Variants in MGAT4C observed in about 807,000 individuals in gnomAD.
MGAT4C encodes alpha-1,3-mannosyl-glycoprotein 4-beta-N-acetylglucosaminyltransferase C.
In MGAT4C, 19 loss-of-function variants were observed where a neutral mutation model predicts 40.1. That is an observed-to-expected ratio of 0.47 (90% CI 0.33 to 0.70). MGAT4C has a LOEUF of 0.70. Among genes scored for constraint, MGAT4C ranks in the 30% least tolerant of loss-of-function variants. The pLI is 0.02. For missense variants in MGAT4C, 491 were observed against 563.2 expected (o/e 0.87, Z 1.30); for synonymous variants, 181 against 187.1 (o/e 0.97, Z 0.27).
At chr12:86,129,544 C>CTT (rs751908017) in intron 1 of MGAT4C, among the ~76,000 whole-genome samples, 932 of 15,070 alleles carry the variant, frequency 0.062, 366 homozygotes, top group Non-Finnish European at 0.075. Flanking sequence ...CTTACACAAT[C>CTT]TTTTTTTTTT....
At chr12:86,277,778 T>C (rs748550678) in intron 4 of MGAT4C, among the ~76,000 whole-genome samples, 4 of 152,162 alleles carry the variant, frequency 2.6e-5, no homozygotes, top group Admixed American at 1.3e-4. Flanking sequence ...GTTAGGACCA[T>C]GCTGTTTTGG....
At chr12:86,380,127 G>T (rs1410245422) in intron 3 of MGAT4C, among the ~76,000 whole-genome samples, 3 of 151,972 alleles carry the variant, frequency 2.0e-5, no homozygotes, top group Non-Finnish European at 2.9e-5. Flanking sequence ...TGACTAATGT[G>T]CTGTAACACT....
chr12:86,770,560 A>T (rs1477092444), intron 1 of MGAT4C, among the ~76,000 whole-genome samples: 4 of 152,076 alleles, frequency 2.6e-5, no homozygotes. Context: ...AAGGAAGTTA[A>T]AAGACAATTT....
intron 2 of MGAT4C, among the ~76,000 whole-genome samples, chr12:86,035,106 G>T (rs150065734): frequency 6.7e-6 from 1 of 150,030 alleles, no homozygotes; most frequent in African/African-American, 2.4e-5. Flanking sequence ...TAATGGGATT[G>T]CTGGGTCATA....
chr12:86,611,844 C>T (rs1439315403), intron 2 of MGAT4C, among the ~76,000 whole-genome samples: 2 of 152,066 alleles, frequency 1.3e-5, no homozygotes, highest in African/African-American at 4.8e-5. Flanking sequence ...TGTTAGCAAC[C>T]ATGTTAACTG....
At chr12:86,610,972 A>G (rs1962235320) in intron 2 of MGAT4C, among the ~76,000 whole-genome samples, 1 of 151,976 alleles carries the variant, frequency 6.6e-6, no homozygotes, top group Non-Finnish European at 1.5e-5. Flanking sequence ...GAGGAATTAC[A>G]TGTGGGTCAG....
intron 2 of MGAT4C, among the ~76,000 whole-genome samples, chr12:86,501,250 TAAC>T (rs1344850799): frequency 1.3e-5 from 2 of 152,130 alleles, no homozygotes; most frequent in African/African-American, 2.4e-5. Context: ...TTCTAGAAGA[TAAC>T]AAAGGAAATT....
intron 1 of MGAT4C, among the ~76,000 whole-genome samples, chr12:86,744,210 A>T (rs968980252): frequency 6.6e-6 from 1 of 151,522 alleles, no homozygotes; most frequent in African/African-American, 2.4e-5. Flanking sequence ...AGTTAGGGAG[A>T]CAACCACGGA....
intron 1 of MGAT4C, among the ~76,000 whole-genome samples, chr12:86,834,558 A>T (rs1952998312): frequency 6.6e-6 from 1 of 151,538 alleles, no homozygotes; most frequent in Non-Finnish European, 1.5e-5. Context: ...TTGTCATTTG[A>T]TCCATATCAC....
rs148998512 is a variant in MGAT4C, at chr12:86,244,844, G to T, written c.-57+11395C>A. Reference sequence around the variant, plus strand: ...GCCAATGCCCAGAGGTGAGTTTCAGGAGCAGCAGAACTGAAGCATAGGGTT... The same window carrying T: ...GCCAATGCCCAGAGGTGAGTTTCAGTAGCAGCAGAACTGAAGCATAGGGTT... On this transcript the variant is annotated intron_variant, in intron 1 of 4. Coordinates refer to ENST00000611864, the MANE Select transcript of MGAT4C (RefSeq NM_001351288.2). 2.2e-3 allele frequency among the ~76,000 whole-genome samples: 337 copies of T among 152,264 alleles called. 1 individual carries two copies. Among genetic ancestry groups the T allele is most frequent in the Middle Eastern group, 0.014 (4 of 294 alleles).
At chr12:86,484,373 C>T (rs1008785935) in intron 2 of MGAT4C, among the ~76,000 whole-genome samples, 1 of 152,208 alleles carries the variant, frequency 6.6e-6, no homozygotes, top group Non-Finnish European at 1.5e-5. Flanking sequence ...TCTGCATGTT[C>T]CCCTGCCTGC....
At chr12:86,591,133 A>G (rs182048912) in intron 2 of MGAT4C, among the ~76,000 whole-genome samples, 14 of 152,136 alleles carry the variant, frequency 9.2e-5, no homozygotes, top group African/African-American at 3.1e-4. Flanking sequence ...AACTCATTTT[A>G]AAAGGAGTTG....
intron 4 of MGAT4C, among the ~76,000 whole-genome samples, chr12:86,280,516 G>T (rs1157500222): frequency 6.6e-6 from 1 of 151,900 alleles, no homozygotes; most frequent in East Asian, 1.9e-4. Flanking sequence ...CGGATATAAA[G>T]CTTCAATAAC....
intron 2 of MGAT4C, among the ~76,000 whole-genome samples, chr12:86,437,120 A>C (rs1957150943): frequency 6.6e-6 from 1 of 151,778 alleles, no homozygotes; most frequent in African/African-American, 2.4e-5. Flanking sequence ...AGATATCAGA[A>C]TTTTTATGTC....
At chr12:86,633,996 A>C (rs1026462430) in intron 2 of MGAT4C, among the ~76,000 whole-genome samples, 1 of 152,094 alleles carries the variant, frequency 6.6e-6, no homozygotes, top group Admixed American at 6.6e-5. Context: ...ATGTGAAGAA[A>C]TCAACGGGGA....
rs910346100 is a variant in MGAT4C at position 86,703,725 on chromosome 12, C to G, written c.-229+23484G>C. Among the ~76,000 whole-genome samples the G allele has an allele frequency of 2.0e-5, 3 of 152,136 alleles. No homozygotes were observed. The South Asian group carries it at 6.2e-4, about 31-fold the overall frequency. ...GTGATATTCACTTTATTGTTGTTGTCTGGAGCCTAACCCACATTATCTCCT... is the reference window on the plus strand; with the variant it reads ...GTGATATTCACTTTATTGTTGTTGTGTGGAGCCTAACCCACATTATCTCCT... On this transcript the variant is annotated intron_variant, in intron 2 of 7. Coordinates refer to the MGAT4C transcript ENST00000548651.
intron 3 of MGAT4C, among the ~76,000 whole-genome samples, chr12:86,367,401 G>A (rs1955619648): frequency 6.6e-6 from 1 of 152,088 alleles, no homozygotes; most frequent in Non-Finnish European, 1.5e-5. Flanking sequence ...GCAGCTGCAG[G>A]AAGATGTTTG....
chr12:86,816,160 T>A (rs1952602844), intron 1 of MGAT4C, among the ~76,000 whole-genome samples: 1 of 151,970 alleles, frequency 6.6e-6, no homozygotes, highest in Non-Finnish European at 1.5e-5. Flanking sequence ...AAACATGATA[T>A]ATTTTTGCAG....
intron 1 of MGAT4C, among the ~76,000 whole-genome samples, chr12:86,837,840 C>T (rs904103260): frequency 2.6e-5 from 4 of 152,126 alleles, no homozygotes; most frequent in African/African-American, 7.2e-5. Context: ...GAAACAGACA[C>T]GGAAGTCACC....
Sources: allele counts gnomAD v4.1 joint callset (sites outside exome capture counted in the v4.1 genomes callset), GRCh38; gene constraint gnomAD v4.1.1; transcripts MANE v1.5; gene names NCBI Gene and HGNC (gene_info 2026-07-23, HGNC 2026-07-21).